The following MEI4 variants were observed in gnomAD, a reference collection of about 807,000 sequenced individuals.
MEI4 encodes meiotic double-stranded break formation protein 4.
In MEI4, 27 loss-of-function variants were observed where a neutral mutation model predicts 31.4. The observed-to-expected ratio is 0.86, with a 90% CI of 0.63 to 1.19. MEI4 has a LOEUF of 1.19. Ranked by LOEUF, MEI4 falls within the 50% of genes most tolerant of loss-of-function variation. MEI4 has a pLI of 0.00. For missense variants in MEI4, 329 were observed against 398.9 expected, an observed-to-expected ratio of 0.82 and a Z score of 1.49; for synonymous variants, 122 against 145.4, an observed-to-expected ratio of 0.84 and a Z score of 1.16.
intron 3 of MEI4, among the ~76,000 whole-genome samples, chr6:77,785,419 C>T (rs1389471176): frequency 6.6e-6 from 1 of 151,880 alleles, no homozygotes; most frequent in Non-Finnish European, 1.5e-5. Context: ...TCCGTATTTG[C>T]AATAAACTCT....
chr6:77,682,497 C>G (rs1478961849), intron 1 of MEI4, among the ~76,000 whole-genome samples: 2 of 152,112 alleles, frequency 1.3e-5, no homozygotes, highest in Non-Finnish European at 2.9e-5. Context: ...GAAAGGATGT[C>G]TTATTGAGTG....
At position 77,673,676 on chromosome 6, in the gene MEI4, T is replaced by G. The variant is rs118056833; in HGVS notation, c.-14-16982T>G. Among the ~76,000 whole-genome samples, 324 of 152,254 alleles carry G rather than the reference T, an allele frequency of 2.1e-3. 10 individuals carry two copies. In the East Asian group the frequency reaches 0.052, roughly 25 times the overall value. On this transcript the variant is annotated intron_variant, in intron 1 of 4. Transcript: ENST00000684080. ...GATGGTGATTGGTTTAGGTGATGAG[T>G]ACTCCAACAAGAGTTAAGAGAAGGG... is the stretch of plus-strand genomic sequence containing the variant.
intron 2 of MEI4, among the ~76,000 whole-genome samples, chr6:77,697,250 T>G (rs1006784510): frequency 6.6e-6 from 1 of 152,192 alleles, no homozygotes; most frequent in Non-Finnish European, 1.5e-5. Flanking sequence ...GAAGAGTTTT[T>G]TGTGTCTCTA....
intron 2 of MEI4, among the ~76,000 whole-genome samples, chr6:77,696,353 G>A (rs1766043348): frequency 6.6e-6 from 1 of 152,136 alleles, no homozygotes; most frequent in Admixed American, 6.6e-5. Flanking sequence ...AGTTTTCAAA[G>A]GGAATGCTTC....
Position 77,698,931 on chromosome 6 carries a change from A to C in MEI4, c.232+8028A>C, listed in dbSNP as rs538926962. On this transcript the variant is annotated intron_variant, in intron 2 of 4. Coordinates refer to ENST00000684080, the MANE Select transcript of MEI4 (RefSeq NM_001322247.2). Reference sequence around the variant, plus strand: ...AATCAGACGTAGATTTGGTCTTTTCACATAGTCCCATATTTCTTGGAGGCT... The same window carrying C: ...AATCAGACGTAGATTTGGTCTTTTCCCATAGTCCCATATTTCTTGGAGGCT... Among the ~76,000 whole-genome samples, 31 of 152,124 alleles carry C rather than the reference A, an allele frequency of 2.0e-4. 1 individual carries two copies. In the South Asian group the frequency reaches 4.4e-3, roughly 21 times the overall value.
intron 2 of MEI4, among the ~76,000 whole-genome samples, chr6:77,722,218 G>A (rs905803739): frequency 1.3e-3 from 185 of 145,734 alleles, no homozygotes; most frequent in Middle Eastern, 3.4e-3. Context: ...GAATTACGGC[G>A]TTTACAGCCC....
intron 4 of MEI4, among the ~76,000 whole-genome samples, chr6:77,866,963 G>A (rs753950844): frequency 6.6e-6 from 1 of 152,154 alleles, no homozygotes; most frequent in Non-Finnish European, 1.5e-5. Flanking sequence ...ACAAAAACAA[G>A]CAATGGGGAA....
In MEI4 at chr6:77,697,698, A is replaced by G. The variant is rs564640686; in HGVS notation, c.232+6795A>G. ...AGCTTTACTTCCAACTATGTGGTCA[A>G]TTTTGGAACAGGTGTGGTGTGGTGC... is the stretch of plus-strand genomic sequence containing the variant. On this transcript the variant is annotated intron_variant, in intron 2 of 4. Coordinates refer to ENST00000684080, the MANE Select transcript of MEI4 (RefSeq NM_001322247.2). Among the ~76,000 whole-genome samples, 21 of 152,234 alleles carry G rather than the reference A, an allele frequency of 1.4e-4. No homozygotes were observed. In the South Asian group the frequency reaches 2.5e-3, roughly 18 times the overall value.
intron 4 of MEI4, among the ~76,000 whole-genome samples, chr6:77,878,221 T>TA (rs70974689): frequency 0.28 from 43,237 of 151,736 alleles, 6,847 homozygotes; most frequent in South Asian, 0.38. Flanking sequence ...AGTAAATACA[T>TA]AAAAAAACCT....
intron 4 of MEI4, among the ~76,000 whole-genome samples, chr6:77,880,240 T>G (rs966375094): frequency 3.3e-5 from 5 of 151,476 alleles, no homozygotes; most frequent in Non-Finnish European, 7.4e-5. Context: ...GTTTGTTTTT[T>G]TTTTTTTTGA....
chr6:77,771,446 C>T (rs921570094), intron 3 of MEI4, among the ~76,000 whole-genome samples: 1 of 151,850 alleles, frequency 6.6e-6, no homozygotes, highest in African/African-American at 2.4e-5. Context: ...GGTATATACC[C>T]AAAGAAATAT....
intron 4 of MEI4, among the ~76,000 whole-genome samples, chr6:77,917,227 A>G (rs202156837): frequency 0.048 from 7,361 of 151,880 alleles, 444 homozygotes; most frequent in African/African-American, 0.14. Flanking sequence ...GCCGCAATAT[A>G]CATACGTGTG....
intron 1 of MEI4, among the ~76,000 whole-genome samples, chr6:77,673,830 A>G (rs9341679): frequency 0.37 from 56,976 of 151,976 alleles, 10,914 homozygotes; most frequent in African/African-American, 0.42. Flanking sequence ...TCAGGTTCTG[A>G]TAAGAATTGT....
intron 2 of MEI4, among the ~76,000 whole-genome samples, chr6:77,716,522 A>T (rs570963280): frequency 6.6e-6 from 1 of 152,222 alleles, no homozygotes; most frequent in Non-Finnish European, 1.5e-5. Flanking sequence ...CCATCATGAG[A>T]CACATTGGCA....
chr6:77,666,540 G>C (rs1292772571), intron 1 of MEI4, among the ~76,000 whole-genome samples: 1 of 152,066 alleles, frequency 6.6e-6, no homozygotes, highest in Non-Finnish European at 1.5e-5. Context: ...TGTCTCCTCA[G>C]CAACTTTATA....
chr6:77,749,281 G>T (rs986444514), intron 2 of MEI4, among the ~76,000 whole-genome samples: 6 of 152,118 alleles, frequency 3.9e-5, no homozygotes, highest in African/African-American at 1.4e-4. Flanking sequence ...TTGATGAATT[G>T]ACAGAAGTAG....
intron 2 of MEI4, among the ~76,000 whole-genome samples, chr6:77,715,392 T>C (rs1420263164): frequency 2.6e-5 from 4 of 152,212 alleles, no homozygotes; most frequent in African/African-American, 9.6e-5. Context: ...GGAAATGAGT[T>C]CTGTTTGATT....
intron 4 of MEI4, among the ~76,000 whole-genome samples, chr6:77,857,885 A>G (rs142695969): frequency 2.2e-3 from 338 of 152,362 alleles, no homozygotes; most frequent in African/African-American, 7.4e-3. Flanking sequence ...TACTGTGCAT[A>G]GTGATGTTCA....
At chr6:77,849,479 C>T (rs1311940974) in intron 4 of MEI4, among the ~76,000 whole-genome samples, 2 of 152,148 alleles carry the variant, frequency 1.3e-5, no homozygotes, top group African/African-American at 4.8e-5. Flanking sequence ...TGAGCAAAAG[C>T]ACATTTCATC....
Sources: gnomAD v4.1 joint callset for allele counts (sites outside exome capture counted in the v4.1 genomes callset) on GRCh38, gnomAD v4.1.1 for gene constraint, MANE v1.5 for transcripts, NCBI Gene and HGNC (gene_info 2026-07-23, HGNC 2026-07-21) for gene names.